Variants in KIF3B observed in about 807,000 individuals in gnomAD.
KIF3B encodes kinesin-like protein KIF3B.
KIF3B carries 38 observed loss-of-function variants against 74.3 expected under a neutral mutation model. The ratio of observed to expected loss-of-function variants is 0.51; its 90% CI spans 0.39 to 0.67. The LOEUF (loss-of-function observed/expected upper bound fraction) is 0.67, where lower values mean the gene tolerates loss of function less well. Ranked by LOEUF, KIF3B falls within the 30% of genes least tolerant of loss-of-function variation. The pLI is 0.00. For synonymous variants in KIF3B, 326 were observed against 342.5 expected (o/e 0.95, Z 0.53); for missense variants, 649 against 932.0 (o/e 0.70, Z 3.95).
chr20:32,293,627 AAAC>A (rs1030308083), intron 1 of KIF3B, among the ~76,000 whole-genome samples: 1 of 152,024 alleles, frequency 6.6e-6, no homozygotes, highest in Non-Finnish European at 1.5e-5. Flanking sequence ...CAAACAAAGA[AAAC>A]AACACAAAAT....
chr20:32,301,146 G>A (rs2047742089), intron 1 of KIF3B, among the ~76,000 whole-genome samples: 1 of 138,798 alleles, frequency 7.2e-6, no homozygotes, highest in Admixed American at 7.9e-5. Context: ...GGAGTGCAGT[G>A]GCGCAATCTC....
At chr20:32,328,545 G>A (rs924267986) in intron 7 of KIF3B, among the ~76,000 whole-genome samples, 14 of 151,962 alleles carry the variant, frequency 9.2e-5, no homozygotes, top group African/African-American at 2.4e-4. Context: ...GGCAGGAGGC[G>A]GAGGTTGCAG....
chr20:32,292,583 G>GAAAAAAAAA (rs71185398), intron 1 of KIF3B, among the ~76,000 whole-genome samples: 30 of 71,800 alleles, frequency 4.2e-4, no homozygotes, highest in East Asian at 9.1e-4. Context: ...ACTAAAAATA[G>GAAAAAAAAA]AAAAAAAAAA....
intron 8 of KIF3B, among the ~76,000 whole-genome samples, chr20:32,330,574 T>C (rs1479164318): frequency 6.6e-6 from 1 of 152,246 alleles, no homozygotes; most frequent in Non-Finnish European, 1.5e-5. Flanking sequence ...TAGCAGTCAG[T>C]TCTTCTGTTC....
At chr20:32,313,016 C>CT (rs2047809261) in intron 2 of KIF3B, among the ~76,000 whole-genome samples, 1 of 152,182 alleles carries the variant, frequency 6.6e-6, no homozygotes. Flanking sequence ...ATAAGGAACA[C>CT]TTCCATCACC....
At position 32,309,716 on chromosome 20, in the gene KIF3B, C is replaced by T. The variant is rs930766446; in HGVS notation, c.-62C>T. On this transcript the variant is annotated 5_prime_UTR_variant, in exon 2 of 9. Transcript: ENST00000375712. ...TTTACTTTTGCTTTTTCTCTAGGAC[C>T]GTAGCATCCTGAGACATTTTGAATT... is the stretch of plus-strand genomic sequence containing the variant. The T allele has an allele frequency of 2.8e-5, 44 of 1,551,568 alleles. No individual in the cohort carries two copies. Among genetic ancestry groups the T allele is most frequent in the South Asian group, 1.6e-4 (13 of 80,268 alleles).
At chr20:32,322,239 A>G (rs2047863601) in intron 5 of KIF3B, among the ~76,000 whole-genome samples, 1 of 151,948 alleles carries the variant, frequency 6.6e-6, no homozygotes, top group African/African-American at 2.4e-5. Context: ...TTAAATTTAT[A>G]CCTAAGGGTT....
At chr20:32,319,617 G>T (rs1419320049) in intron 5 of KIF3B, among the ~76,000 whole-genome samples, 1 of 120,408 alleles carries the variant, frequency 8.3e-6, no homozygotes, top group Non-Finnish European at 1.6e-5. Context: ...TTGGAGTCTC[G>T]CTCTGTCATC....
At position 32,309,775 on chromosome 20, in the gene KIF3B, A is replaced by G; in HGVS notation, c.-3A>G. ...TCAAGATTTGACTGGATCAGAGTTC[A>G]TCATGTCAAAGTTGAAAAGCTCAGA... On this transcript the variant is annotated 5_prime_UTR_variant, in exon 2 of 9. Transcript: ENST00000375712. 6.2e-7 allele frequency: 1 copy of G among 1,610,276 alleles called. No homozygotes were observed. Among genetic ancestry groups the G allele is most frequent in the Non-Finnish European group, 8.5e-7 (1 of 1,177,754 alleles).
chr20:32,290,257 C>T (rs111818747), intron 1 of KIF3B, among the ~76,000 whole-genome samples: 2 of 152,108 alleles, frequency 1.3e-5, no homozygotes, highest in Non-Finnish European at 2.9e-5. Flanking sequence ...GTGGCAGGCG[C>T]CTGTAATCCC....
At position 32,325,243 on chromosome 20, in the gene KIF3B, C is replaced by T. The variant is rs751025202; in HGVS notation, c.1749-1528C>T. On this transcript the variant is annotated intron_variant, in intron 5 of 8. Coordinates refer to ENST00000375712, the MANE Select transcript of KIF3B (RefSeq NM_004798.4). ...TTGCTCTGTCACCCGGATTGGAGTG[C>T]GGTGGCACGATCTTGGCTCACTGCA... Among the ~76,000 whole-genome samples the T allele has an allele frequency of 5.3e-5, 8 of 152,188 alleles. No homozygotes were observed. In the South Asian group the frequency reaches 6.2e-4, roughly 12 times the overall value.
intron 1 of KIF3B, among the ~76,000 whole-genome samples, chr20:32,299,395 A>G (rs1600422651): frequency 2.9e-5 from 1 of 33,956 alleles, no homozygotes; most frequent in East Asian, 6.0e-3. Context: ...ATATATATAT[A>G]TATATATATT....
intron 2 of KIF3B, among the ~76,000 whole-genome samples, chr20:32,315,787 C>T (rs150358943): frequency 1.4e-3 from 213 of 152,134 alleles, no homozygotes; most frequent in African/African-American, 4.8e-3. Context: ...ATTACTGTGT[C>T]CTTTCCTCAT....
At chr20:32,298,632 A>G (rs949039726) in intron 1 of KIF3B, among the ~76,000 whole-genome samples, 18 of 152,186 alleles carry the variant, frequency 1.2e-4, no homozygotes, top group Non-Finnish European at 1.9e-4. Flanking sequence ...AGCCACTGTC[A>G]TAAATTGTTA....
chr20:32,286,708 C>G (rs1009728958), intron 1 of KIF3B, among the ~76,000 whole-genome samples: 3 of 152,124 alleles, frequency 2.0e-5, no homozygotes, highest in African/African-American at 7.2e-5. Context: ...TGTCCATATA[C>G]AAATGTATTC....
At chr20:32,289,660 C>T (rs2047682278) in intron 1 of KIF3B, among the ~76,000 whole-genome samples, 1 of 151,992 alleles carries the variant, frequency 6.6e-6, no homozygotes, top group African/African-American at 2.4e-5. Flanking sequence ...ACTGATTTTC[C>T]ATTCATGGTG....
At chr20:32,305,320 C>T (rs949345006) in intron 1 of KIF3B, among the ~76,000 whole-genome samples, 14 of 152,044 alleles carry the variant, frequency 9.2e-5, no homozygotes, top group South Asian at 2.1e-4. Flanking sequence ...GCTGTCATCA[C>T]GCCACTGCAC....
chr20:32,328,423 CAAAAACA>C (rs2047914686), intron 7 of KIF3B, among the ~76,000 whole-genome samples: 1 of 148,292 alleles, frequency 6.7e-6, no homozygotes, highest in Non-Finnish European at 1.5e-5. Context: ...GACTCCGTCT[CAAAAACA>C]AAAAACAAAA....
intron 8 of KIF3B, 72 bp from the exon 9 acceptor site, chr20:32,331,151 T>A: frequency 3.7e-6 from 4 of 1,067,492 alleles, no homozygotes; most frequent in East Asian, 2.6e-5. Flanking sequence ...TGAAATGAAA[T>A]GTTAATGACA....
Sources: allele counts gnomAD v4.1 joint callset (sites outside exome capture counted in the v4.1 genomes callset), GRCh38; gene constraint gnomAD v4.1.1; transcripts MANE v1.5; gene names NCBI Gene and HGNC (gene_info 2026-07-23, HGNC 2026-07-21).